Variants in TCTN3 observed in about 807,000 individuals in gnomAD.
The protein encoded by TCTN3 is tectonic family member 3.
Under a neutral mutation model 71.3 loss-of-function variants are expected in TCTN3, and 57 were observed. The observed-to-expected ratio is 0.80, with a 90% CI of 0.65 to 1.00. The LOEUF is 1.00. Ranked by LOEUF, TCTN3 falls within the 50% of genes least tolerant of loss-of-function variation. The pLI, the probability that TCTN3 is intolerant of heterozygous loss-of-function variation, is 0.00. For synonymous variants in TCTN3, 258 were observed against 267.8 expected, an observed-to-expected ratio of 0.96 and a Z score of 0.36; for missense variants, 696 against 719.9, an observed-to-expected ratio of 0.97 and a Z score of 0.38.
At chr10:95,683,754 C>T (rs1162876944) in intron 9 of TCTN3, 125 bp from the exon 10 acceptor site, 18 of 716,980 alleles carry the variant, frequency 2.5e-5, no homozygotes, top group Non-Finnish European at 2.2e-5. Flanking sequence ...ACTGAACAAT[C>T]TGGCTTCTTT....
In TCTN3 at chr10:95,663,885, A is replaced by G; in HGVS notation, c.*182T>C. 1 of 587,834 alleles carries G rather than the reference A, an allele frequency of 1.7e-6. No homozygotes were observed. The highest frequency in any genetic ancestry group is 3.0e-6 in the Non-Finnish European group (1 of 333,290). 36.4% of individuals were successfully genotyped at this position (587,834 alleles called of 1,614,324 possible). On this transcript the variant is annotated 3_prime_UTR_variant, in exon 14 of 14. Coordinates refer to ENST00000371217, the MANE Select transcript of TCTN3 (RefSeq NM_015631.6). ...AGCCCAAAGCAGAGAGCTATGATGAATAAAATATTTTTATTGCTTTTCTAA... is the reference window on the plus strand; with the variant it reads ...AGCCCAAAGCAGAGAGCTATGATGAGTAAAATATTTTTATTGCTTTTCTAA...
chr10:95,664,841 C>A (rs940695508), intron 13 of TCTN3, among the ~76,000 whole-genome samples: 1 of 152,210 alleles, frequency 6.6e-6, no homozygotes, highest in Admixed American at 6.5e-5. Context: ...ACAGATGTAG[C>A]TTTGGTAGAT....
At chr10:95,676,742 G>A (rs1323492083) in intron 13 of TCTN3, among the ~76,000 whole-genome samples, 1 of 151,884 alleles carries the variant, frequency 6.6e-6, no homozygotes, top group Non-Finnish European at 1.5e-5. Context: ...TTCTTGATAC[G>A]CTACTTCTAT....
chr10:95,685,420 A>G, intron 8 of TCTN3, 136 bp downstream of exon 8: 1 of 589,132 alleles, frequency 1.7e-6, no homozygotes, highest in South Asian at 2.7e-5. Flanking sequence ...CAATACAACA[A>G]GTTTGCATTC....
chr10:95,683,747 G>C, intron 9 of TCTN3, 118 bp from the exon 10 acceptor site: 1 of 753,084 alleles, frequency 1.3e-6, no homozygotes. Flanking sequence ...GAGCTACACT[G>C]AACAATCTGG....
At chr10:95,678,362 T>A (rs531428296) in intron 13 of TCTN3, among the ~76,000 whole-genome samples, 6 of 152,036 alleles carry the variant, frequency 3.9e-5, no homozygotes, top group African/African-American at 4.8e-5. Context: ...TGAAACTCCG[T>A]CTTTACTAAA....
In TCTN3 at chr10:95,693,917, C is replaced by G; in HGVS notation, c.-18G>C. 3.9e-6 allele frequency: 6 copies of G among 1,551,514 alleles called. No homozygotes were observed. The highest frequency in any genetic ancestry group is 5.2e-6 in the Non-Finnish European group (6 of 1,146,980). ...GTGCGCATGGGGCATTCAGGGCCTC[C>G]GGGTCCGACGTAGGCCTCCGCGGTC... On this transcript the variant is annotated 5_prime_UTR_variant, in exon 1 of 14. Coordinates refer to ENST00000371217, the MANE Select transcript of TCTN3 (RefSeq NM_015631.6).
chr10:95,677,486 T>TTTG (rs1555269141), intron 13 of TCTN3, among the ~76,000 whole-genome samples: 6,867 of 133,180 alleles, frequency 0.052, 273 homozygotes, highest in East Asian at 0.28. Context: ...TTTTTTTGTT[T>TTTG]TTTTTTTTTT....
At chr10:95,669,789 C>T (rs999199868) in intron 13 of TCTN3, among the ~76,000 whole-genome samples, 3 of 152,060 alleles carry the variant, frequency 2.0e-5, no homozygotes, top group Non-Finnish European at 2.9e-5. Context: ...GCAGGCCGGG[C>T]GCGGTGGCTC....
In TCTN3 at chr10:95,682,780, G is replaced by T. The variant is rs2097944354; in HGVS notation, c.1323C>A (p.His441Gln). The T allele has an allele frequency of 6.2e-7, 1 of 1,613,898 alleles. No homozygotes were observed. Among genetic ancestry groups the T allele is most frequent in the East Asian group, 2.2e-5 (1 of 44,892 alleles). Residue 441 changes from histidine (H) to glutamine (Q), a missense_variant, in exon 12 of 14, where the codon CAC becomes CAA. Coordinates refer to ENST00000371217, the MANE Select transcript of TCTN3 (RefSeq NM_015631.6). The part of the protein sequence containing the change: ...KLRLKKADCS[H>Q]LQQEIYQTLH... ...GAGTCTGATAAATCTCCTGCTGCAAGTGGCTGCAGTCTGCCTTCTTCAACC... is the reference window on the plus strand; with the variant it reads ...GAGTCTGATAAATCTCCTGCTGCAATTGGCTGCAGTCTGCCTTCTTCAACC...
chr10:95,682,987 C>T (rs1404467765), intron 11 of TCTN3, 114 bp downstream of exon 11: 1 of 1,251,796 alleles, frequency 8.0e-7, no homozygotes, highest in South Asian at 1.4e-5. Context: ...GACTAAAAGA[C>T]TATTCCTGAC....
chr10:95,693,003 A>G lies in TCTN3; in HGVS notation c.416T>C (p.Ile139Thr). The G allele has an allele frequency of 5.6e-6, 9 of 1,614,002 alleles. No individual in the cohort carries two copies. The highest frequency in any genetic ancestry group is 6.8e-6 in the Non-Finnish European group (8 of 1,179,906). Residue 139 changes from isoleucine to threonine, a missense_variant, in exon 3 of 14, where the codon ATC (isoleucine) becomes ACC (threonine). Physicochemically the swap from Ile to Thr is moderately conservative, Grantham distance 89 (BLOSUM62 -1). Transcript: ENST00000371217. Reference protein sequence around the residue: ...SSWVCVDNSVIFRSNSPFPSR... With the variant: ...SSWVCVDNSVTFRSNSPFPSR... Reference sequence around the variant, plus strand: ...AGGAAACGGGGAATTACTCCTGAAGATAACAGAGTTGTCTACACAAACCCA... The same window carrying G: ...AGGAAACGGGGAATTACTCCTGAAGGTAACAGAGTTGTCTACACAAACCCA...
chr10:95,683,128 A>G lies in TCTN3; in HGVS notation c.1271T>C (p.Val424Ala), dbSNP rs200705429. 6.2e-7 allele frequency: 1 copy of G among 1,613,998 alleles called. No individual in the cohort carries two copies. Among genetic ancestry groups the G allele is most frequent in the Admixed American group, 1.7e-5 (1 of 60,006 alleles). ...SVKRHEVQFG[V>A]NAISGCKLRL... ...GAGCTTGCATCCAGATATTGCATTC[A>G]CTCCAAACTGCACTTCATGTCTTTT... is the stretch of plus-strand genomic sequence containing the variant. The change falls in exon 11 of 14, where the codon GTG (valine) becomes GCG (alanine). Residue 424 changes from valine (V) to alanine (A), a missense_variant. Val to Ala is a moderately conservative substitution (Grantham distance 64). Coordinates refer to ENST00000371217, the MANE Select transcript of TCTN3 (RefSeq NM_015631.6).
At chr10:95,670,036 C>T (rs2097929335) in intron 13 of TCTN3, among the ~76,000 whole-genome samples, 1 of 134,128 alleles carries the variant, frequency 7.5e-6, no homozygotes, top group Non-Finnish European at 1.5e-5. Context: ...TGCACTCCAG[C>T]CTGGGCGACA....
intron 3 of TCTN3, among the ~76,000 whole-genome samples, chr10:95,690,416 C>T (rs964414307): frequency 6.6e-5 from 10 of 152,244 alleles, no homozygotes; most frequent in African/African-American, 1.7e-4. Flanking sequence ...GGTTCTAAGA[C>T]GGTGACTCAA....
intron 13 of TCTN3, among the ~76,000 whole-genome samples, chr10:95,674,914 T>C (rs748687796): frequency 3.3e-5 from 5 of 152,202 alleles, no homozygotes; most frequent in Non-Finnish European, 5.9e-5. Context: ...ATCTCCATTT[T>C]TTTTTCCTTA....
intron 12 of TCTN3, among the ~76,000 whole-genome samples, chr10:95,681,569 G>C (rs10882652): frequency 6.6e-6 from 1 of 151,978 alleles, no homozygotes; most frequent in Non-Finnish European, 1.5e-5. Flanking sequence ...AGAGAGCCTC[G>C]AAAGTTTCCA....
chr10:95,677,533 C>CTTTTTTTTTTT (rs2097938753), intron 13 of TCTN3, among the ~76,000 whole-genome samples: 2 of 108,146 alleles, frequency 1.8e-5, no homozygotes, highest in African/African-American at 3.1e-5. Flanking sequence ...ATTGTTTGTC[C>CTTTTTTTTTTT]TTGGGAATGG....
chr10:95,680,368 A>G, intron 13 of TCTN3, 104 bp downstream of exon 13: 3 of 1,392,526 alleles, frequency 2.2e-6, no homozygotes, highest in Non-Finnish European at 2.9e-6. Flanking sequence ...GGTTGCTAAC[A>G]TAAATTAGCT....
Sources: allele counts gnomAD v4.1 joint callset (sites outside exome capture counted in the v4.1 genomes callset), GRCh38; gene constraint gnomAD v4.1.1; transcripts MANE v1.5; gene names NCBI Gene and HGNC (gene_info 2026-07-23, HGNC 2026-07-21).